Variants in CNTNAP2 observed in about 807,000 individuals in gnomAD.
CNTNAP2 encodes contactin associated protein 2.
In CNTNAP2, 98 loss-of-function variants were observed where a neutral mutation model predicts 155.2. The ratio of observed to expected loss-of-function variants is 0.63; its 90% CI spans 0.54 to 0.75. CNTNAP2 has a LOEUF of 0.75. Among genes scored for constraint, CNTNAP2 ranks in the 30% least tolerant of loss-of-function variants. CNTNAP2 has a pLI of 0.00. For missense variants in CNTNAP2, 1,727 were observed against 1,688.1 expected, an observed-to-expected ratio of 1.02 and a Z score of -0.40; for synonymous variants, 651 against 631.2, an observed-to-expected ratio of 1.03 and a Z score of -0.47.
chr7:146,790,084 A>G (rs1254339095), intron 2 of CNTNAP2, among the ~76,000 whole-genome samples: 1 of 152,028 alleles, frequency 6.6e-6, no homozygotes, highest in Non-Finnish European at 1.5e-5. Flanking sequence ...TACTTCCTGG[A>G]AAACTAGAAA....
chr7:146,822,414 A>G (rs1803304889), intron 2 of CNTNAP2, among the ~76,000 whole-genome samples: 1 of 151,862 alleles, frequency 6.6e-6, no homozygotes, highest in Admixed American at 6.6e-5. Flanking sequence ...TGGCACATGT[A>G]TACATATGTA....
At chr7:146,975,994 G>A (rs981707165) in intron 3 of CNTNAP2, among the ~76,000 whole-genome samples, 3 of 152,100 alleles carry the variant, frequency 2.0e-5, no homozygotes, top group African/African-American at 4.8e-5. Flanking sequence ...GATGATGAGC[G>A]AAGAAACCGG....
intron 13 of CNTNAP2, among the ~76,000 whole-genome samples, chr7:147,800,737 A>G: frequency 6.6e-6 from 1 of 152,252 alleles, no homozygotes; most frequent in Non-Finnish European, 1.5e-5. Flanking sequence ...AAATACAGTC[A>G]TGTGCTGCAT....
chr7:147,012,814 A>T (rs1482234622), intron 3 of CNTNAP2, among the ~76,000 whole-genome samples: 1 of 152,152 alleles, frequency 6.6e-6, no homozygotes, highest in Non-Finnish European at 1.5e-5. Context: ...GAGCAAGTGA[A>T]AGAGCTCCCC....
At chr7:146,896,050 T>A (rs1234900088) in intron 3 of CNTNAP2, among the ~76,000 whole-genome samples, 2 of 152,114 alleles carry the variant, frequency 1.3e-5, no homozygotes, top group African/African-American at 4.8e-5. Flanking sequence ...TTCTTTTAAA[T>A]TTAAGGTGAT....
chr7:148,045,555 A>T (rs1802760593), intron 15 of CNTNAP2, among the ~76,000 whole-genome samples: 1 of 152,210 alleles, frequency 6.6e-6, no homozygotes. Context: ...TCATGTCAAG[A>T]TTCACTAAGC....
At chr7:146,343,174 C>A (rs1428053445) in intron 1 of CNTNAP2, among the ~76,000 whole-genome samples, 1 of 151,638 alleles carries the variant, frequency 6.6e-6, no homozygotes, top group African/African-American at 2.4e-5. Context: ...CTGCTTATTG[C>A]TGAAAGATGA....
At chr7:148,334,103 T>C (rs1317789206) in intron 21 of CNTNAP2, among the ~76,000 whole-genome samples, 3 of 152,210 alleles carry the variant, frequency 2.0e-5, no homozygotes, top group Non-Finnish European at 4.4e-5. Flanking sequence ...TTCCAGAAGA[T>C]GTTGTACATC....
chr7:148,151,342 G>A (rs1201275135), intron 17 of CNTNAP2, among the ~76,000 whole-genome samples: 1 of 152,064 alleles, frequency 6.6e-6, no homozygotes, highest in Non-Finnish European at 1.5e-5. Flanking sequence ...GTCTTTCTCT[G>A]TCATCCAGGC....
In CNTNAP2 at chr7:147,154,328, G is replaced by T. The variant is rs187003253; in HGVS notation, c.1348+21819G>T. 2.2e-3 allele frequency among the ~76,000 whole-genome samples: 335 copies of T among 152,188 alleles called. 5 individuals are homozygous for T. The highest frequency in any genetic ancestry group is 0.019 in the Admixed American group (290 of 15,272). ...AATGAGTAGCAGGATGGGAAATTTA[G>T]GATGATTATTTTTCAGTTAAAGAGA... is the stretch of plus-strand genomic sequence containing the variant. On this transcript the variant is annotated intron_variant, in intron 8 of 23. Coordinates refer to ENST00000361727, the MANE Select transcript of CNTNAP2 (RefSeq NM_014141.6).
intron 18 of CNTNAP2, among the ~76,000 whole-genome samples, chr7:148,179,819 AC>A (rs1224757114): frequency 2.6e-5 from 4 of 152,192 alleles, no homozygotes; most frequent in Admixed American, 6.5e-5. Context: ...GCTCCAAGAG[AC>A]CTCAGGCTCA....
chr7:147,617,019 A>G (rs1161314837), intron 12 of CNTNAP2, among the ~76,000 whole-genome samples: 2 of 152,152 alleles, frequency 1.3e-5, no homozygotes, highest in African/African-American at 2.4e-5. Context: ...CTTATAGCCC[A>G]CTATTCCAGA....
Position 147,300,219 on chromosome 7 carries a change from G to C in CNTNAP2, c.1427G>C (p.Gly476Ala), listed in dbSNP as rs753544612. Residue 476 changes from glycine (G) to alanine (A), a missense_variant, in exon 9 of 24, where the codon GGA (glycine) becomes GCA (alanine). Physicochemically the swap from Gly to Ala is moderately conservative, Grantham distance 60. Transcript: ENST00000361727. ...KENFAILTID[G>A]DEASAVRTNS... ...AATTTTGCTATTCTCACCATCGATG[G>C]AGATGAAGCATCAGCAGTTCGAACT... 1.9e-6 allele frequency: 3 copies of C among 1,613,990 alleles called. No individual in the cohort carries two copies. Among genetic ancestry groups the C allele is most frequent in the African/African-American group, 1.3e-5 (1 of 75,026 alleles).
intron 13 of CNTNAP2, among the ~76,000 whole-genome samples, chr7:147,807,592 G>C (rs1043594831): frequency 6.6e-6 from 1 of 152,030 alleles, no homozygotes; most frequent in African/African-American, 2.4e-5. Flanking sequence ...TCCATCAATC[G>C]AGTGCCTAGT....
At chr7:147,111,836 G>A (rs1300486277) in intron 5 of CNTNAP2, among the ~76,000 whole-genome samples, 1 of 152,142 alleles carries the variant, frequency 6.6e-6, no homozygotes. Context: ...TTAGGATTGT[G>A]TTGGCCATTG....
At chr7:147,413,394 A>T (rs1405520713) in intron 10 of CNTNAP2, among the ~76,000 whole-genome samples, 5 of 152,162 alleles carry the variant, frequency 3.3e-5, no homozygotes, top group Non-Finnish European at 7.3e-5. Context: ...TGGAAAGGAA[A>T]ATGAGAATGT....
intron 10 of CNTNAP2, among the ~76,000 whole-genome samples, chr7:147,475,431 G>A (rs1017202143): frequency 4.0e-5 from 6 of 151,850 alleles, no homozygotes; most frequent in African/African-American, 1.5e-4. Context: ...GAATGATGTT[G>A]AACATTTTCT....
At chr7:146,934,338 A>G (rs1480745684) in intron 3 of CNTNAP2, among the ~76,000 whole-genome samples, 5 of 151,768 alleles carry the variant, frequency 3.3e-5, no homozygotes, top group Non-Finnish European at 7.4e-5. Flanking sequence ...AACTATTACA[A>G]GAACAAAAAA....
intron 21 of CNTNAP2, among the ~76,000 whole-genome samples, chr7:148,343,705 C>T (rs1329149388): frequency 6.6e-6 from 1 of 152,094 alleles, no homozygotes; most frequent in Non-Finnish European, 1.5e-5. Flanking sequence ...AAAGTAGTTT[C>T]CAAGAAAAGC....
Sources: allele counts gnomAD v4.1 joint callset (sites outside exome capture counted in the v4.1 genomes callset), GRCh38; gene constraint gnomAD v4.1.1; transcripts MANE v1.5; gene names NCBI Gene and HGNC (gene_info 2026-07-23, HGNC 2026-07-21).